Variants in GRK5 observed in about 807,000 individuals in gnomAD.
The protein encoded by GRK5 is g protein-coupled receptor kinase GRK5.
GRK5 carries 40 observed loss-of-function variants against 78.4 expected under a neutral mutation model. The ratio of observed to expected loss-of-function variants is 0.51; its 90% CI spans 0.40 to 0.66. The LOEUF (loss-of-function observed/expected upper bound fraction) is 0.66, where lower values mean the gene tolerates loss of function less well. Ranked by LOEUF, GRK5 falls within the 30% of genes least tolerant of loss-of-function variation. The pLI, the probability that GRK5 is intolerant of heterozygous loss-of-function variation, is 0.00. For synonymous variants in GRK5, 289 were observed against 296.8 expected (o/e 0.97, Z 0.27); for missense variants, 598 against 759.9 (o/e 0.79, Z 2.50).
chr10:119,222,024 C>T (rs1428135883), intron 1 of GRK5, among the ~76,000 whole-genome samples: 4 of 152,216 alleles, frequency 2.6e-5, no homozygotes, highest in African/African-American at 9.6e-5. Context: ...AACAAGCCCA[C>T]AGCTTCGTAA....
At chr10:119,222,671 A>G (rs1307619334) in intron 1 of GRK5, among the ~76,000 whole-genome samples, 1 of 151,756 alleles carries the variant, frequency 6.6e-6, no homozygotes, top group Non-Finnish European at 1.5e-5. Flanking sequence ...GCCTTCAGTA[A>G]TTTTGTTAAC....
chr10:119,307,611 G>A lies in GRK5; in HGVS notation c.53-18905G>A, dbSNP rs547225480. ...TCTCCAGAAGGCACACTGCCCTGCCGACACCTGGATTTAGCCCGGTGAATC... is the reference window on the plus strand; with the variant it reads ...TCTCCAGAAGGCACACTGCCCTGCCAACACCTGGATTTAGCCCGGTGAATC... On this transcript the variant is annotated intron_variant, in intron 1 of 15. Transcript: ENST00000392870. Among the ~76,000 whole-genome samples, 217 of 152,250 alleles carry A rather than the reference G, an allele frequency of 1.4e-3. 3 individuals carry two copies. The highest frequency in any genetic ancestry group is 4.7e-3 in the African/African-American group (196 of 41,504).
rs577126978 is a variant in GRK5, at chr10:119,363,948, G to A, written c.149-16867G>A. Among the ~76,000 whole-genome samples the A allele has an allele frequency of 2.2e-4, 33 of 152,310 alleles. No homozygotes were observed. In the South Asian group the frequency reaches 5.6e-3, roughly 26 times the overall value. ...TCCCAGAGGTGGAGCTGGGATATGC[G>A]TCCAGGAGGACTATGCATGGGTTCA... On this transcript the variant is annotated intron_variant, in intron 2 of 15. Transcript: ENST00000392870.
chr10:119,427,841 T>A (rs1292503211), intron 6 of GRK5, among the ~76,000 whole-genome samples: 3 of 152,188 alleles, frequency 2.0e-5, no homozygotes, highest in Non-Finnish European at 4.4e-5. Flanking sequence ...ACTGCCATCA[T>A]CAGCATCACT....
At chr10:119,311,308 G>A (rs2133738023) in intron 1 of GRK5, among the ~76,000 whole-genome samples, 1 of 152,296 alleles carries the variant, frequency 6.6e-6, no homozygotes, top group African/African-American at 2.4e-5. Context: ...CTCACATGAA[G>A]TCTGCATTCC....
At position 119,432,465 on chromosome 10, in the gene GRK5, A is replaced by G. The variant is rs542019056; in HGVS notation, c.738+938A>G. On this transcript the variant is annotated intron_variant, in intron 8 of 15. Transcript: ENST00000392870. ...CTCATCTCTAAAACTAAATACATGCATACATTAAAAATAATATATACACAA... is the reference window on the plus strand; with the variant it reads ...CTCATCTCTAAAACTAAATACATGCGTACATTAAAAATAATATATACACAA... Among the ~76,000 whole-genome samples the G allele has an allele frequency of 1.1e-4, 16 of 152,276 alleles. No individual in the cohort carries two copies. The South Asian group carries it at 3.3e-3, about 32-fold the overall frequency.
intron 2 of GRK5, among the ~76,000 whole-genome samples, chr10:119,349,940 A>G (rs1851164703): frequency 6.6e-6 from 1 of 152,202 alleles, no homozygotes. Flanking sequence ...GCAGCTTGCA[A>G]AGCGCTTTTC....
At chr10:119,214,013 CG>C (rs768683045) in intron 1 of GRK5, among the ~76,000 whole-genome samples, 6 of 152,180 alleles carry the variant, frequency 3.9e-5, no homozygotes, top group Non-Finnish European at 7.3e-5. Flanking sequence ...TCTGCTCTGT[CG>C]CGCAGGCTAG....
At chr10:119,276,953 A>C (rs1165925953) in intron 1 of GRK5, among the ~76,000 whole-genome samples, 1 of 152,168 alleles carries the variant, frequency 6.6e-6, no homozygotes, top group Non-Finnish European at 1.5e-5. Flanking sequence ...GTTACACATC[A>C]CTTCTGTACC....
At chr10:119,369,009 C>T (rs184657105) in intron 2 of GRK5, among the ~76,000 whole-genome samples, 1 of 152,306 alleles carries the variant, frequency 6.6e-6, no homozygotes, top group African/African-American at 2.4e-5. Context: ...TTGGTTTGTT[C>T]AATCATTCAT....
At chr10:119,433,489 C>T (rs1270496894) in intron 8 of GRK5, among the ~76,000 whole-genome samples, 1 of 152,072 alleles carries the variant, frequency 6.6e-6, no homozygotes. Flanking sequence ...CAGGGAGTTC[C>T]CACGATGTCA....
chr10:119,330,522 G>A (rs1246422681), intron 2 of GRK5, among the ~76,000 whole-genome samples: 1 of 152,088 alleles, frequency 6.6e-6, no homozygotes, highest in Non-Finnish European at 1.5e-5. Context: ...TGGGGGTTAG[G>A]TTTCAACATG....
In GRK5 at chr10:119,379,614, TC is replaced by T. The variant is rs1474258414; in HGVS notation, c.149-1198del. On this transcript the variant is annotated intron_variant, in intron 2 of 15. Coordinates refer to ENST00000392870, the MANE Select transcript of GRK5 (RefSeq NM_005308.3). This position sits in a 1 kb window ranked among gnomAD's most constrained non-coding sequence, Gnocchi z 4.1. The stretch of plus-strand genomic sequence containing the variant: ...TCCTTCCCAGGCTCTATCGCCCTCT[TC>T]CCTGTTTCCCACGAACTCATCCGAC... Among the ~76,000 whole-genome samples the T allele has an allele frequency of 1.3e-5, 2 of 152,100 alleles. No homozygotes were observed. The highest frequency in any genetic ancestry group is 3.2e-3 in the Middle Eastern group (1 of 316).
At position 119,268,481 on chromosome 10, in the gene GRK5, C is replaced by T. The variant is rs114039861; in HGVS notation, c.53-58035C>T. Among the ~76,000 whole-genome samples, 673 of 152,278 alleles carry T rather than the reference C, an allele frequency of 4.4e-3. 2 individuals carry two copies. The highest frequency in any genetic ancestry group is 0.015 in the African/African-American group (642 of 41,550). The stretch of plus-strand genomic sequence containing the variant: ...CTTTTGCTACTTTTGTTGCCCAAGA[C>T]GAGGTGTGATTTAGTGGTTAAATGC... On this transcript the variant is annotated intron_variant, in intron 1 of 15. Transcript: ENST00000392870.
chr10:119,291,648 C>A (rs1449473171), intron 1 of GRK5, among the ~76,000 whole-genome samples: 1 of 148,984 alleles, frequency 6.7e-6, no homozygotes, highest in African/African-American at 2.5e-5. Flanking sequence ...CTTCTTCCTC[C>A]TCCTCTTCCT....
chr10:119,292,104 CTTCTCCTCT>C (rs1849984067), intron 1 of GRK5, among the ~76,000 whole-genome samples: 15 of 117,690 alleles, frequency 1.3e-4, no homozygotes, highest in Middle Eastern at 5.5e-3. Flanking sequence ...CCTCTTCCTC[CTTCTCCTCT>C]TCCTCCCTCT....
intron 6 of GRK5, among the ~76,000 whole-genome samples, chr10:119,427,898 C>A (rs1852731682): frequency 6.8e-6 from 1 of 147,636 alleles, no homozygotes; most frequent in Non-Finnish European, 1.5e-5. Flanking sequence ...CTGCTATCAT[C>A]AGTATCATCG....
rs2133777906 is a variant in GRK5, at chr10:119,336,649, T to C, written c.148+10038T>C. Among the ~76,000 whole-genome samples the C allele has an allele frequency of 6.6e-6, 1 of 152,228 alleles. No individual in the cohort carries two copies. The highest frequency in any genetic ancestry group is 2.1e-4 in the South Asian group (1 of 4,824). Reference sequence around the variant, plus strand: ...AATCTCACACGTCTTGGTGACCCAGTCCCCTTCAGGCCTGCCTGGCTGGCA... The same window carrying C: ...AATCTCACACGTCTTGGTGACCCAGCCCCCTTCAGGCCTGCCTGGCTGGCA... On this transcript the variant is annotated intron_variant, in intron 2 of 15. Coordinates refer to ENST00000392870, the MANE Select transcript of GRK5 (RefSeq NM_005308.3). This position sits in a 1 kb window ranked among gnomAD's most constrained non-coding sequence, Gnocchi z 4.5.
intron 1 of GRK5, among the ~76,000 whole-genome samples, chr10:119,298,181 T>C (rs963767624): frequency 6.6e-6 from 1 of 152,234 alleles, no homozygotes; most frequent in African/African-American, 2.4e-5. Context: ...TGCAGCTCTC[T>C]GAGGTCAGTA....
Sources: gnomAD v4.1 joint callset for allele counts (sites outside exome capture counted in the v4.1 genomes callset) on GRCh38, gnomAD v4.1.1 for gene constraint, Gnocchi (gnomAD v3.1) non-coding constraint, MANE v1.5 for transcripts, NCBI Gene and HGNC (gene_info 2026-07-23, HGNC 2026-07-21) for gene names.